The following CNN1 variants were observed in gnomAD, a reference collection of about 807,000 sequenced individuals.
The protein encoded by CNN1 is calponin 1, also known as calponin-1.
In CNN1, 21 loss-of-function variants were observed where a neutral mutation model predicts 35.3. The observed-to-expected ratio is 0.60, with a 90% CI of 0.42 to 0.86. The LOEUF (loss-of-function observed/expected upper bound fraction) is 0.86. Ranked by LOEUF, CNN1 falls within the 40% of genes least tolerant of loss-of-function variation. The probability of loss-of-function intolerance (pLI) is 0.00; values close to 1 mark genes in which losing one functional copy is unlikely to be tolerated. For synonymous variants in CNN1, 164 were observed against 161.8 expected, an observed-to-expected ratio of 1.01 and a Z score of -0.10; for missense variants, 314 against 400.8, an observed-to-expected ratio of 0.78 and a Z score of 1.85.
At chr19:11,539,577 G>C in intron 1 of CNN1, 1 of 987,592 alleles carries the variant, frequency 1.0e-6, no homozygotes, top group South Asian at 1.6e-5. Flanking sequence ...CAGGTACAGC[G>C]CTCGGACCCT....
chr19:11,549,365 T>C lies in CNN1; in HGVS notation c.544T>C (p.Tyr182His), dbSNP rs1199253678. 1.2e-6 allele frequency: 2 copies of C among 1,613,576 alleles called. No individual in the cohort carries two copies. The highest frequency in any genetic ancestry group is 1.7e-6 in the Non-Finnish European group (2 of 1,179,944). ...TGCCAGCCAGCAGGGCATGACGGCC[T>C]ATGGCACCCGGCGCCACCTCTACGA... ...KFASQQGMTA[Y>H]GTRRHLYDPK... Residue 182 changes from tyrosine (Y) to histidine (H), a missense_variant, in exon 6 of 7, where the codon TAT becomes CAT. Physicochemically the swap from Tyr to His is moderately conservative, Grantham distance 83. Coordinates refer to ENST00000252456, the MANE Select transcript of CNN1 (RefSeq NM_001299.6). The surrounding 1 kb of genome is among the most constrained non-coding windows in gnomAD (Gnocchi z 5.2).
chr19:11,540,574 G>A (rs562808409), intron 1 of CNN1: 34 of 153,970 alleles, frequency 2.2e-4, no homozygotes, highest in African/African-American at 8.2e-4. Context: ...CAGAGACAGA[G>A]CCCTGGAGCT....
At chr19:11,541,440 A>G (rs1162938995) in intron 2 of CNN1, among the ~76,000 whole-genome samples, 1 of 152,134 alleles carries the variant, frequency 6.6e-6, no homozygotes, top group Non-Finnish European at 1.5e-5. Context: ...CCACCATGCT[A>G]TATAGGGTAG....
chr19:11,539,853 C>T (rs1972418579), intron 1 of CNN1: 10 of 1,165,994 alleles, frequency 8.6e-6, no homozygotes, highest in Non-Finnish European at 1.1e-5. Flanking sequence ...GAGACAGATC[C>T]CAGCGCCGCC....
intron 1 of CNN1, chr19:11,539,292 T>G: frequency 8.6e-7 from 1 of 1,158,446 alleles, no homozygotes; most frequent in South Asian, 2.8e-5. Flanking sequence ...GGGAACAACA[T>G]AGGGGGAAGA....
chr19:11,539,106 G>A, intron 1 of CNN1, 116 bp downstream of exon 1: 1 of 1,091,938 alleles, frequency 9.2e-7, no homozygotes, highest in Non-Finnish European at 1.2e-6. Context: ...AACTGAGAGG[G>A]GAAAAGGGAG....
chr19:11,539,726 C>A, intron 1 of CNN1: 2 of 843,412 alleles, frequency 2.4e-6, no homozygotes, highest in African/African-American at 1.8e-5. Context: ...AACACTGAGG[C>A]TCAGGGTGGC....
Position 11,538,904 on chromosome 19 carries a change from C to A in CNN1, c.-24C>A. On this transcript the variant is annotated 5_prime_UTR_variant, in exon 1 of 7. Transcript: ENST00000252456. ...TTCTCAGCGTCAGTGCCGCCACTGC[C>A]CCCGCCAGAGCCCACCGGCCAGCAT... The A allele has an allele frequency of 6.5e-7, 1 of 1,532,412 alleles. No individual in the cohort carries two copies. The allele number at this position is 1,532,412 out of a possible 1,614,324, so 94.9% of individuals were successfully genotyped here.
At chr19:11,548,827 A>C (rs1972648291) in intron 5 of CNN1, among the ~76,000 whole-genome samples, 1 of 152,164 alleles carries the variant, frequency 6.6e-6, no homozygotes, top group Non-Finnish European at 1.5e-5. Flanking sequence ...ACAGAGTGAG[A>C]TGCTATCTCA....
chr19:11,549,775 A>T lies in CNN1; in HGVS notation c.874A>T (p.Asn292Tyr), dbSNP rs770235499. 5 of 1,610,516 alleles carry T rather than the reference A, an allele frequency of 3.1e-6. 1 individual carries two copies. Among genetic ancestry groups the T allele is most frequent in the Admixed American group, 3.3e-5 (2 of 59,766 alleles). Residue 292 changes from asparagine (N) to tyrosine (Y), a missense_variant, in exon 7 of 7, where the codon AAC becomes TAC. Coordinates refer to ENST00000252456, the MANE Select transcript of CNN1 (RefSeq NM_001299.6). This position sits in a 1 kb window ranked among gnomAD's most constrained non-coding sequence, Gnocchi z 5.2. ...GCCCGCCCACAACCACCACGCACACAACTACTACAATTCCGCCTAGGGCCA... is the reference window on the plus strand; with the variant it reads ...GCCCGCCCACAACCACCACGCACACTACTACTACAATTCCGCCTAGGGCCA... ...GEPAHNHHAH[N>Y]YYNSA is the part of the protein sequence containing the mutation.
Position 11,547,855 on chromosome 19 carries a change from G to A in CNN1, c.449G>A (p.Arg150Gln), listed in dbSNP as rs376315878. 2.5e-5 allele frequency: 41 copies of A among 1,613,938 alleles called. No homozygotes were observed. The highest frequency in any genetic ancestry group is 1.1e-4 in the African/African-American group (8 of 74,916). ...GTGAAGTACGCAGAGAAGCAGGAGC[G>A]GAAATTCGAGCCGGGGAAGCTAAGA... ...VGVKYAEKQE[R>Q]KFEPGKLREG... The change falls in exon 5 of 7, where the codon CGG (arginine) becomes CAG (glutamine). Residue 150 changes from arginine (R) to glutamine (Q), a missense_variant. Physicochemically the swap from Arg to Gln is conservative, Grantham distance 43. Coordinates refer to ENST00000252456, the MANE Select transcript of CNN1 (RefSeq NM_001299.6).
At position 11,547,862 on chromosome 19, in the gene CNN1, C is replaced by G. The variant is rs762813878; in HGVS notation, c.456C>G (p.Phe152Leu). Residue 152 changes from phenylalanine (F) to leucine (L), a missense_variant, in exon 5 of 7, where the codon TTC (phenylalanine) becomes TTG (leucine). Coordinates refer to ENST00000252456, the MANE Select transcript of CNN1 (RefSeq NM_001299.6). ...VKYAEKQERK[F>L]EPGKLREGRN... The stretch of plus-strand genomic sequence containing the variant: ...ACGCAGAGAAGCAGGAGCGGAAATT[C>G]GAGCCGGGGAAGCTAAGAGAAGGGC... The G allele has an allele frequency of 1.2e-6, 2 of 1,613,962 alleles. No individual in the cohort carries two copies. The highest frequency in any genetic ancestry group is 2.2e-5 in the South Asian group (2 of 91,062).
rs146760828 is a variant in CNN1 at position 11,541,168 on chromosome 19, C to T, written c.156C>T (p.Asp52=). The change falls in exon 2 of 7, where the codon GAC becomes GAT. Residue 52 remains aspartate, a synonymous_variant. Coordinates refer to ENST00000252456, the MANE Select transcript of CNN1 (RefSeq NM_001299.6). ...GTCGCATCGGCAACAACTTCATGGACGGCCTCAAAGATGGCATCATTCTTT... is the reference window on the plus strand; with the variant it reads ...GTCGCATCGGCAACAACTTCATGGATGGCCTCAAAGATGGCATCATTCTTT... The part of the protein sequence containing the change: ...TGRRIGNNFM[D]GLKDGIILCE... 11 of 1,600,486 alleles carry T rather than the reference C, an allele frequency of 6.9e-6. No homozygotes were observed. Among genetic ancestry groups the T allele is most frequent in the Admixed American group, 1.7e-5 (1 of 58,452 alleles).
At position 11,546,981 on chromosome 19, in the gene CNN1, TGCAGGCTGGGCAGGGGGTGGTGG is replaced by T. The variant is rs776353869; in HGVS notation, c.390+17_390+39del. 10 of 1,613,988 alleles carry T rather than the reference TGCAGGCTGGGCAGGGGGTGGTGG, an allele frequency of 6.2e-6. No homozygotes were observed. The East Asian group carries it at 2.2e-4, about 36-fold the overall frequency. On this transcript the variant is annotated intron_variant, in intron 4 of 6. Coordinates refer to ENST00000252456, the MANE Select transcript of CNN1 (RefSeq NM_001299.6). ...CTTTGGCCAGCATGGTGAGTGTGGT[TGCAGGCTGGGCAGGGGGTGGTGG>T]GCAGCCTGGGCTGGGATGCAGGTGT...
intron 1 of CNN1, 199 bp downstream of exon 1, chr19:11,539,189 G>A (rs10412408): frequency 8.2e-7 from 1 of 1,224,710 alleles, no homozygotes; most frequent in African/African-American, 1.6e-5. Context: ...GGCTGGAATG[G>A]GGGGGCACAC....
In CNN1 at chr19:11,543,879, C is replaced by T. The variant is rs141339118; in HGVS notation, c.185+2682C>T. ...TGTATACCTATGTATCAAACCTGCA[C>T]ATAGTGCACATGTACCCCAGAAGTT... is the stretch of plus-strand genomic sequence containing the variant. On this transcript the variant is annotated intron_variant, in intron 2 of 6. Coordinates refer to ENST00000252456, the MANE Select transcript of CNN1 (RefSeq NM_001299.6). Among the ~76,000 whole-genome samples the T allele has an allele frequency of 4.2e-3, 631 of 149,990 alleles. 5 individuals carry two copies. Among genetic ancestry groups the T allele is most frequent in the Middle Eastern group, 0.01 (3 of 286 alleles).
At position 11,549,774 on chromosome 19, in the gene CNN1, C is replaced by T. The variant is rs748621779; in HGVS notation, c.873C>T (p.His291=). 1 of 1,610,578 alleles carries T rather than the reference C, an allele frequency of 6.2e-7. No homozygotes were observed. Among genetic ancestry groups the T allele is most frequent in the South Asian group, 1.1e-5 (1 of 90,742 alleles). ...LGEPAHNHHA[H]NYYNSA ...AGCCCGCCCACAACCACCACGCACACAACTACTACAATTCCGCCTAGGGCC... is the reference window on the plus strand; with the variant it reads ...AGCCCGCCCACAACCACCACGCACATAACTACTACAATTCCGCCTAGGGCC... Residue 291 remains histidine (H), a synonymous_variant, in exon 7 of 7, where the codon CAC becomes CAT. Coordinates refer to ENST00000252456, the MANE Select transcript of CNN1 (RefSeq NM_001299.6). The surrounding 1 kb of genome is among the most constrained non-coding windows in gnomAD (Gnocchi z 5.2).
Position 11,547,800 on chromosome 19 carries a change from A to G in CNN1, c.394A>G (p.Lys132Glu), listed in dbSNP as rs780733424. ...STLLALASMA[K>E]TKGNKVNVGV... Reference sequence around the variant, plus strand: ...CTGCTTTCCCTGCCCCACCTAGGCGAAGACGAAAGGAAACAAGGTGAACGT... The same window carrying G: ...CTGCTTTCCCTGCCCCACCTAGGCGGAGACGAAAGGAAACAAGGTGAACGT... The change falls in exon 5 of 7, where the codon AAG becomes GAG. Residue 132 changes from lysine (K) to glutamate (E), a missense_variant. Physicochemically the swap from Lys to Glu is moderately conservative, Grantham distance 56. Transcript: ENST00000252456. 1.1e-5 allele frequency: 18 copies of G among 1,613,498 alleles called. No homozygotes were observed. The Admixed American group carries it at 3.0e-4, about 27-fold the overall frequency.
intron 2 of CNN1, 76 bp downstream of exon 2, chr19:11,541,273 A>G (rs1305919068): frequency 3.5e-5 from 51 of 1,457,126 alleles, no homozygotes; most frequent in Non-Finnish European, 4.6e-5. Flanking sequence ...CAAAACAACC[A>G]TGATCCTGGA....
Sources: allele counts gnomAD v4.1 joint callset (sites outside exome capture counted in the v4.1 genomes callset), GRCh38; gene constraint gnomAD v4.1.1; non-coding constraint Gnocchi (gnomAD v3.1); transcripts MANE v1.5; gene names NCBI Gene and HGNC (gene_info 2026-07-23, HGNC 2026-07-21).